SCG3: variants seen among roughly 807,000 people sequenced by gnomAD.
SCG3 encodes secretogranin-3.
Under a neutral mutation model 56.2 loss-of-function variants are expected in SCG3, and 38 were observed. The ratio of observed to expected loss-of-function variants is 0.68; its 90% CI spans 0.52 to 0.89. The LOEUF is 0.89. Ranked by LOEUF, SCG3 falls within the 40% of genes least tolerant of loss-of-function variation. The probability of loss-of-function intolerance (pLI) is 0.00; values close to 1 mark genes in which losing one functional copy is unlikely to be tolerated. For synonymous variants in SCG3, 176 were observed against 184.2 expected, an observed-to-expected ratio of 0.96 and a Z score of 0.36; for missense variants, 524 against 540.7, an observed-to-expected ratio of 0.97 and a Z score of 0.31.
chr15:51,718,941 C>T (rs1033264862), intron 11 of SCG3, among the ~76,000 whole-genome samples: 1 of 152,118 alleles, frequency 6.6e-6, no homozygotes, highest in African/African-American at 2.4e-5. Context: ...ATAACTTTTA[C>T]TACCTATGTG....
chr15:51,703,653 T>C (rs1207944527), intron 10 of SCG3, among the ~76,000 whole-genome samples: 1 of 152,202 alleles, frequency 6.6e-6, no homozygotes, highest in Non-Finnish European at 1.5e-5. Context: ...TCCTTTTTTG[T>C]AGAAAAGACT....
intron 6 of SCG3, among the ~76,000 whole-genome samples, chr15:51,689,643 G>C (rs188158698): frequency 6.6e-6 from 1 of 151,952 alleles, no homozygotes; most frequent in South Asian, 2.1e-4. Context: ...AAAATAATTA[G>C]CTGGGTGTGG....
chr15:51,717,724 G>A (rs1418624816), intron 11 of SCG3, among the ~76,000 whole-genome samples: 1 of 152,196 alleles, frequency 6.6e-6, no homozygotes, highest in South Asian at 2.1e-4. Context: ...CTTCCAGCAT[G>A]TGAATCAGTT....
In SCG3 at chr15:51,688,320, A is replaced by G. The variant is rs762016984; in HGVS notation, c.458A>G (p.His153Arg). The G allele has an allele frequency of 3.7e-6, 6 of 1,613,924 alleles. No homozygotes were observed. The highest frequency in any genetic ancestry group is 3.3e-5 in the Admixed American group (2 of 59,992). Reference sequence around the variant, plus strand: ...CCTTTAACCGCTGAAGACATTGTCCATAAAATCGCTGCCAGGATTTATGAA... The same window carrying G: ...CCTTTAACCGCTGAAGACATTGTCCGTAAAATCGCTGCCAGGATTTATGAA... ...GTPLTAEDIV[H>R]KIAARIYEEN... Residue 153 changes from histidine to arginine, a missense_variant, in exon 5 of 12, where the codon CAT (histidine) becomes CGT (arginine). His to Arg is a conservative substitution (Grantham distance 29). Transcript: ENST00000220478.
In SCG3 at chr15:51,717,324, C is replaced by T. The variant is rs376362732; in HGVS notation, c.1289-2084C>T. 1.1e-4 allele frequency among the ~76,000 whole-genome samples: 17 copies of T among 150,774 alleles called. No individual in the cohort carries two copies. The East Asian group carries it at 2.2e-3, about 19-fold the overall frequency. ...TGGAGCTTGCAGTGAGCTGAGATCACGCCACTGCACTCCAGCCTGGGCAAC... is the reference window on the plus strand; with the variant it reads ...TGGAGCTTGCAGTGAGCTGAGATCATGCCACTGCACTCCAGCCTGGGCAAC... On this transcript the variant is annotated intron_variant, in intron 11 of 11. Transcript: ENST00000220478.
chr15:51,694,391 T>C (rs2055288204), intron 7 of SCG3, among the ~76,000 whole-genome samples: 1 of 152,168 alleles, frequency 6.6e-6, no homozygotes, highest in African/African-American at 2.4e-5. Flanking sequence ...CAGGCTCGTT[T>C]CTCAGGTTCT....
intron 5 of SCG3, 106 bp downstream of exon 5, chr15:51,688,508 C>G (rs181912669): frequency 1.0e-6 from 1 of 977,246 alleles, no homozygotes; most frequent in Admixed American, 2.4e-5. Context: ...ATGTGTCTTC[C>G]TTCTACTAGG....
intron 10 of SCG3, among the ~76,000 whole-genome samples, chr15:51,711,165 T>C (rs1008103010): frequency 2.0e-5 from 3 of 152,250 alleles, no homozygotes; most frequent in African/African-American, 7.2e-5. Context: ...GATCTACCCA[T>C]TTCATCCGTC....
intron 11 of SCG3, among the ~76,000 whole-genome samples, chr15:51,714,471 A>G (rs1401241469): frequency 6.6e-6 from 1 of 151,036 alleles, no homozygotes; most frequent in African/African-American, 2.5e-5. Flanking sequence ...CCATGTGGAG[A>G]AGGAGGATTC....
At chr15:51,693,970 A>G (rs957786350) in intron 7 of SCG3, 1 of 152,094 alleles carries the variant, frequency 6.6e-6, no homozygotes, top group African/African-American at 2.4e-5. Flanking sequence ...TGAAGTTACT[A>G]TTTATCAGTT....
At chr15:51,708,529 C>T (rs1210496476) in intron 10 of SCG3, among the ~76,000 whole-genome samples, 3 of 152,152 alleles carry the variant, frequency 2.0e-5, no homozygotes, top group Admixed American at 6.5e-5. Flanking sequence ...TAAAAGTTTT[C>T]GCTAAGTGAT....
intron 4 of SCG3, among the ~76,000 whole-genome samples, chr15:51,684,720 T>A (rs954430713): frequency 6.6e-6 from 1 of 152,252 alleles, no homozygotes; most frequent in Non-Finnish European, 1.5e-5. Flanking sequence ...TGGCACTTCA[T>A]GCAGTTTGTA....
At chr15:51,688,143 A>T in intron 4 of SCG3, 117 bp from the exon 5 acceptor site, 4 of 1,008,478 alleles carry the variant, frequency 4.0e-6, no homozygotes, top group Non-Finnish European at 4.1e-6. Flanking sequence ...GAACCACCAT[A>T]AATACATTTC....
In SCG3 at chr15:51,709,802, G is replaced by A. The variant is rs1282090639; in HGVS notation, c.1208-3531G>A. 1.0e-4 allele frequency among the ~76,000 whole-genome samples: 13 copies of A among 129,338 alleles called. No homozygotes were observed. The East Asian group carries it at 3.0e-3, about 30-fold the overall frequency. The allele number at this position is 129,338 out of a possible 152,430, so 84.9% of individuals were successfully genotyped here. On this transcript the variant is annotated intron_variant, in intron 10 of 11. Coordinates refer to ENST00000220478, the MANE Select transcript of SCG3 (RefSeq NM_013243.4). Reference sequence around the variant, plus strand: ...GTGGCGTGATCTCTGCTCACTGCAAGCTCCGCCTCCCGGGTTCATGCTATT... The same window carrying A: ...GTGGCGTGATCTCTGCTCACTGCAAACTCCGCCTCCCGGGTTCATGCTATT...
intron 10 of SCG3, among the ~76,000 whole-genome samples, chr15:51,709,826 T>C (rs1340241327): frequency 7.0e-6 from 1 of 142,162 alleles, no homozygotes; most frequent in South Asian, 2.3e-4. Context: ...GTTCATGCTA[T>C]TCTCCTGACT....
At chr15:51,692,763 A>T (rs2055275795) in intron 7 of SCG3, among the ~76,000 whole-genome samples, 1 of 152,216 alleles carries the variant, frequency 6.6e-6, no homozygotes, top group Admixed American at 6.5e-5. Flanking sequence ...GTATATATTT[A>T]AGGTGTACAA....
chr15:51,717,706 G>A (rs114225747), intron 11 of SCG3, among the ~76,000 whole-genome samples: 4 of 152,284 alleles, frequency 2.6e-5, no homozygotes, highest in African/African-American at 9.6e-5. Flanking sequence ...GAGCTGGGGT[G>A]CAACACCCTT....
chr15:51,699,525 G>A (rs992340601), intron 9 of SCG3, 123 bp downstream of exon 9: 8 of 716,456 alleles, frequency 1.1e-5, no homozygotes, highest in African/African-American at 7.5e-5. Flanking sequence ...AATCTGAAAC[G>A]CAGCCATAGG....
rs750223376 is a variant in SCG3 at position 51,689,391 on chromosome 15, A to G, written c.690+23A>G. On this transcript the variant is annotated intron_variant, in intron 6 of 11. Coordinates refer to ENST00000220478, the MANE Select transcript of SCG3 (RefSeq NM_013243.4). ...GTGGTATGTATGTGTATATATGCAT[A>G]TGCATGGGGGTGTGTGTGTGTGTGT... 15 of 1,477,946 alleles carry G rather than the reference A, an allele frequency of 1.0e-5. No individual in the cohort carries two copies. The Admixed American group carries it at 1.4e-4, about 14-fold the overall frequency. The allele number at this position is 1,477,946 out of a possible 1,614,324, so 91.6% of individuals were successfully genotyped here. A position where few individuals can be genotyped will look rare whatever the true frequency, so the allele number is the denominator to read the frequency against.
Sources: allele counts gnomAD v4.1 joint callset (sites outside exome capture counted in the v4.1 genomes callset), GRCh38; gene constraint gnomAD v4.1.1; transcripts MANE v1.5; gene names NCBI Gene and HGNC (gene_info 2026-07-23, HGNC 2026-07-21).